The following PREX2 variants were observed in gnomAD, a reference collection of about 807,000 sequenced individuals.
PREX2 encodes phosphatidylinositol-3,4,5-trisphosphate dependent Rac exchange factor 2.
A neutral mutation model predicts 203.2 loss-of-function variants in PREX2; 107 were observed. The ratio of observed to expected loss-of-function variants is 0.53; its 90% CI spans 0.45 to 0.62. PREX2 has a LOEUF of 0.62. Among genes scored for constraint, PREX2 ranks in the 20% least tolerant of loss-of-function variants. PREX2 has a pLI of 0.00. For synonymous variants in PREX2, 672 were observed against 663.6 expected, an observed-to-expected ratio of 1.01 and a Z score of -0.19; for missense variants, 1,777 against 1,955.9, an observed-to-expected ratio of 0.91 and a Z score of 1.72.
At chr8:68,030,318 A>AT (rs1357419774) in intron 5 of PREX2, among the ~76,000 whole-genome samples, 179 bp from the exon 6 acceptor site, 1 of 152,208 alleles carries the variant, frequency 6.6e-6, no homozygotes, top group African/African-American at 2.4e-5. Flanking sequence ...AAAAATGTGC[A>AT]TTTGGGTTAT....
intron 35 of PREX2, among the ~76,000 whole-genome samples, chr8:68,166,135 A>T (rs1366996419): frequency 6.6e-6 from 1 of 152,212 alleles, no homozygotes. Context: ...CTAAAGACAG[A>T]GACTGAAGCC....
chr8:68,094,762 C>A (rs971688069), intron 21 of PREX2, among the ~76,000 whole-genome samples: 1 of 152,194 alleles, frequency 6.6e-6, no homozygotes, highest in East Asian at 1.9e-4. Context: ...TCTCCTAACA[C>A]CAACTGGGTG....
intron 25 of PREX2, among the ~76,000 whole-genome samples, chr8:68,113,538 T>C (rs2129612917): frequency 6.6e-6 from 1 of 152,352 alleles, no homozygotes; most frequent in African/African-American, 2.4e-5. Context: ...AAACTGTGTT[T>C]AAAATCATCC....
intron 1 of PREX2, among the ~76,000 whole-genome samples, chr8:67,968,760 TA>T (rs1287305039): frequency 6.6e-6 from 1 of 152,212 alleles, no homozygotes; most frequent in African/African-American, 2.4e-5. Context: ...CTGGGTTTCT[TA>T]TCTATGCTTT....
intron 37 of PREX2, among the ~76,000 whole-genome samples, chr8:68,216,742 G>A (rs1812845961): frequency 6.6e-6 from 1 of 152,092 alleles, no homozygotes; most frequent in Non-Finnish European, 1.5e-5. Flanking sequence ...TGGATCACGA[G>A]GTCAGGAGAT....
At chr8:68,099,153 A>T (rs1810184463) in intron 22 of PREX2, among the ~76,000 whole-genome samples, 1 of 152,042 alleles carries the variant, frequency 6.6e-6, no homozygotes, top group Non-Finnish European at 1.5e-5. Context: ...TGCTGCAAGT[A>T]ACATTAATTT....
chr8:68,214,226 C>A (rs767186121), intron 37 of PREX2, among the ~76,000 whole-genome samples: 16 of 152,004 alleles, frequency 1.1e-4, no homozygotes, highest in Admixed American at 5.2e-4. Context: ...ATAGTGAGAA[C>A]CCATCTCCAC....
intron 35 of PREX2, among the ~76,000 whole-genome samples, chr8:68,160,859 T>G (rs1811639896): frequency 6.6e-6 from 1 of 152,092 alleles, no homozygotes; most frequent in South Asian, 2.1e-4. Flanking sequence ...TTTTTGACAG[T>G]TTACTCAAAA....
At chr8:68,210,499 T>C (rs760432841) in intron 37 of PREX2, among the ~76,000 whole-genome samples, 13 of 152,172 alleles carry the variant, frequency 8.5e-5, no homozygotes, top group Non-Finnish European at 1.6e-4. Flanking sequence ...AGCAAATAAA[T>C]CCACAGTAGG....
At chr8:68,075,889 A>C (rs1247953935) in intron 14 of PREX2, among the ~76,000 whole-genome samples, 1 of 152,098 alleles carries the variant, frequency 6.6e-6, no homozygotes, top group Non-Finnish European at 1.5e-5. Context: ...GACAGGTAGA[A>C]TGTGAGTGAG....
At chr8:68,015,870 A>C (rs961475517) in intron 1 of PREX2, among the ~76,000 whole-genome samples, 3 of 152,228 alleles carry the variant, frequency 2.0e-5, no homozygotes, top group Non-Finnish European at 4.4e-5. Flanking sequence ...ACTTTAGATA[A>C]GAGTTCAAAA....
Position 68,060,687 on chromosome 8 carries a change from T to A in PREX2, c.1247T>A (p.Val416Glu). ...CTGACTTTCTCTTGCAGCGAATTTG[T>A]GTCATGGCTGTTGGAAATTGGAGAG... is the stretch of plus-strand genomic sequence containing the variant. ...FPKCFLGSEF[V>E]SWLLEIGEIH... is the part of the protein sequence containing the mutation. Residue 416 changes from valine to glutamate, a missense_variant, in exon 11 of 40, where the codon GTG (valine) becomes GAG (glutamate). Val to Glu is a moderately radical substitution (Grantham distance 121). Coordinates refer to ENST00000288368, the MANE Select transcript of PREX2 (RefSeq NM_024870.4). 1 of 1,610,298 alleles carries A rather than the reference T, an allele frequency of 6.2e-7. No individual in the cohort carries two copies. The highest frequency in any genetic ancestry group is 8.5e-7 in the Non-Finnish European group (1 of 1,178,684).
chr8:68,133,715 A>G (rs1374662093), intron 31 of PREX2, among the ~76,000 whole-genome samples: 2 of 152,250 alleles, frequency 1.3e-5, no homozygotes, highest in Admixed American at 6.5e-5. Flanking sequence ...ATGTCATTGC[A>G]GCAAATGCAA....
chr8:68,176,570 T>C (rs1811984838), intron 35 of PREX2, among the ~76,000 whole-genome samples: 2 of 152,198 alleles, frequency 1.3e-5, no homozygotes, highest in Admixed American at 1.3e-4. Context: ...GCCTGTTTTC[T>C]AATCTGTCCA....
At chr8:67,998,765 GA>G (rs1262465871) in intron 1 of PREX2, among the ~76,000 whole-genome samples, 6 of 152,150 alleles carry the variant, frequency 3.9e-5, no homozygotes, top group Admixed American at 2.6e-4. Context: ...TTGAGACCCT[GA>G]CTCTAAAACA....
intron 22 of PREX2, among the ~76,000 whole-genome samples, chr8:68,098,023 C>G (rs1415555743): frequency 1.3e-5 from 2 of 152,142 alleles, no homozygotes; most frequent in Admixed American, 6.5e-5. Flanking sequence ...ATCACCTTTG[C>G]AGAGGTCTTT....
chr8:68,223,386 A>G (rs1812995515), intron 38 of PREX2: 1 of 152,142 alleles, frequency 6.6e-6, no homozygotes, highest in South Asian at 2.1e-4. Flanking sequence ...TTGATCTGTA[A>G]CTGCCTATGA....
At chr8:68,076,244 G>A (rs556051228) in intron 14 of PREX2, among the ~76,000 whole-genome samples, 1 of 152,228 alleles carries the variant, frequency 6.6e-6, no homozygotes, top group East Asian at 1.9e-4. Context: ...ATCACCTGAG[G>A]TTAGGAGTTT....
At chr8:68,087,699 T>A in intron 18 of PREX2, 25 bp from the exon 19 acceptor site, 1 of 1,554,404 alleles carries the variant, frequency 6.4e-7, no homozygotes, top group Non-Finnish European at 8.9e-7. Flanking sequence ...ACGCTTCATC[T>A]TACCTTATTT....
Sources: allele counts gnomAD v4.1 joint callset (sites outside exome capture counted in the v4.1 genomes callset), GRCh38; gene constraint gnomAD v4.1.1; transcripts MANE v1.5; gene names NCBI Gene and HGNC (gene_info 2026-07-23, HGNC 2026-07-21).